Variants in MTA3 observed in about 807,000 individuals in gnomAD.
The protein encoded by MTA3 is metastasis-associated protein MTA3.
In MTA3, 34 loss-of-function variants were observed where a neutral mutation model predicts 83.5. The observed-to-expected ratio is 0.41, with a 90% CI of 0.31 to 0.54. The LOEUF is 0.54. MTA3 is among the 20% of genes least tolerant of loss of function. The pLI is 0.33. For missense variants in MTA3, 761 were observed against 726.4 expected, an observed-to-expected ratio of 1.05 and a Z score of -0.55; for synonymous variants, 303 against 252.7, an observed-to-expected ratio of 1.20 and a Z score of -1.89.
At chr2:42,716,309 T>C (rs1667025572) in intron 14 of MTA3, among the ~76,000 whole-genome samples, 1 of 152,226 alleles carries the variant, frequency 6.6e-6, no homozygotes, top group Admixed American at 6.5e-5. Flanking sequence ...GCTTTGTCTA[T>C]TTTAATGTTT....
intron 2 of MTA3, among the ~76,000 whole-genome samples, chr2:42,511,319 TTCTGGTGTGTGTGATCTC>T (rs1674885812): frequency 6.6e-6 from 1 of 151,970 alleles, no homozygotes; most frequent in Non-Finnish European, 1.5e-5. Context: ...AATGATTCAA[TTCTGGTGTGTGTGATCTC>T]ATTACCTTTC....
At chr2:42,532,409 C>G (rs1014035015) in intron 2 of MTA3, among the ~76,000 whole-genome samples, 7 of 152,132 alleles carry the variant, frequency 4.6e-5, no homozygotes, top group Non-Finnish European at 5.9e-5. Flanking sequence ...ACCTGGGAGG[C>G]TGAGGCAGGA....
chr2:42,562,758 C>T (rs535764754), intron 2 of MTA3, among the ~76,000 whole-genome samples: 77 of 152,166 alleles, frequency 5.1e-4, no homozygotes, highest in Non-Finnish European at 9.4e-4. Context: ...GTGATGGTAA[C>T]ACCAGAAGTG....
intron 2 of MTA3, among the ~76,000 whole-genome samples, chr2:42,555,493 G>C (rs188015471): frequency 6.7e-6 from 1 of 149,266 alleles, no homozygotes; most frequent in Non-Finnish European, 1.5e-5. Flanking sequence ...GGGCGCAGTG[G>C]CTCACACCTG....
chr2:42,512,768 A>C (rs1188027061), intron 2 of MTA3, among the ~76,000 whole-genome samples: 1 of 152,234 alleles, frequency 6.6e-6, no homozygotes, highest in Non-Finnish European at 1.5e-5. Context: ...GGTCTACCTC[A>C]GTAACAACAG....
rs1558533487 is a variant in MTA3 at position 42,641,263 on chromosome 2, A to G, written c.381+1027A>G. On this transcript the variant is annotated intron_variant, in intron 5 of 16. Transcript: ENST00000405094. ...ACTCAAGTGTTGCCCATTTATCTCA[A>G]ATGAAGAAAATATAACAGAAAAAGT... 4.6e-5 allele frequency among the ~76,000 whole-genome samples: 7 copies of G among 151,042 alleles called. No homozygotes were observed. The South Asian group carries it at 1.5e-3, about 32-fold the overall frequency.
At chr2:42,729,303 G>A (rs183673741) in intron 16 of MTA3, among the ~76,000 whole-genome samples, 48 of 151,668 alleles carry the variant, frequency 3.2e-4, no homozygotes, top group Admixed American at 1.7e-3. Context: ...GGGTTTCACC[G>A]TGTTAGCCAG....
upstream of MTA3, among the ~76,000 whole-genome samples, chr2:42,564,386 CAGG>C (rs1258770373): frequency 2.0e-5 from 3 of 152,128 alleles, no homozygotes; most frequent in African/African-American, 7.2e-5. Context: ...GTTTTTTGCA[CAGG>C]AGATCTATGG....
chr2:42,610,515 A>G (rs1358007450), intron 4 of MTA3, among the ~76,000 whole-genome samples: 1 of 152,194 alleles, frequency 6.6e-6, no homozygotes, highest in Non-Finnish European at 1.5e-5. Context: ...AGAAAAAACA[A>G]AAAGTGAAAA....
rs1211133796 is a variant in MTA3, at chr2:42,594,728, A to AT, written c.191-14714dup. ...TACATATATATATATATATATATAT[A>AT]TTTTTTTTTTTTTTTTGAGACAGAG... On this transcript the variant is annotated intron_variant, in intron 3 of 16. Coordinates refer to ENST00000405094, the MANE Select transcript of MTA3 (RefSeq NM_001330442.2). Among the ~76,000 whole-genome samples, 42 of 24,046 alleles carry AT rather than the reference A, an allele frequency of 1.7e-3. 4 individuals are homozygous for AT. Among genetic ancestry groups the AT allele is most frequent in the African/African-American group, 3.1e-3 (14 of 4,472 alleles). 15.8% of individuals were successfully genotyped at this position (24,046 alleles called of 152,430 possible).
At chr2:42,637,302 T>A (rs1449414965) in intron 4 of MTA3, among the ~76,000 whole-genome samples, 1 of 152,228 alleles carries the variant, frequency 6.6e-6, no homozygotes, top group Admixed American at 6.5e-5. Context: ...TTTGATACAC[T>A]TCATATCATG....
chr2:42,514,979 C>G (rs960104302), intron 2 of MTA3, among the ~76,000 whole-genome samples: 1 of 151,878 alleles, frequency 6.6e-6, no homozygotes, highest in African/African-American at 2.4e-5. Flanking sequence ...GCGTGACCCA[C>G]TATGACCGGC....
intron 4 of MTA3, among the ~76,000 whole-genome samples, chr2:42,625,967 G>C (rs1686041930): frequency 6.9e-6 from 1 of 145,284 alleles, no homozygotes; most frequent in Non-Finnish European, 1.5e-5. Flanking sequence ...TTTTGAGTCG[G>C]AGTCCTGCTT....
rs769095982 is a variant in MTA3 at position 42,755,873 on chromosome 2, C to G, written c.*2474C>G. The G allele has an allele frequency of 1.6e-5, 16 of 985,436 alleles. No homozygotes were observed. The highest frequency in any genetic ancestry group is 1.9e-5 in the Non-Finnish European group (16 of 830,032). 61.0% of individuals were successfully genotyped at this position (985,436 alleles called of 1,614,324 possible). ...CACAGGCTCTGCAGGCTATCTCCCC[C>G]TCTGGCTCAGTCATCGCCTGCCCAC... is the stretch of plus-strand genomic sequence containing the variant. On this transcript the variant is annotated 3_prime_UTR_variant, in exon 17 of 17. Transcript: ENST00000405094.
chr2:42,637,356 C>T (rs1687299020), intron 4 of MTA3, among the ~76,000 whole-genome samples: 1 of 152,184 alleles, frequency 6.6e-6, no homozygotes, highest in African/African-American at 2.4e-5. Flanking sequence ...TCGTACATGA[C>T]ACATGATTAG....
intron 8 of MTA3, among the ~76,000 whole-genome samples, chr2:42,669,709 T>C (rs540138484): frequency 6.6e-6 from 1 of 152,242 alleles, no homozygotes; most frequent in Non-Finnish European, 1.5e-5. Flanking sequence ...CCTAGGAGAA[T>C]TGTTTGTGTG....
intron 2 of MTA3, among the ~76,000 whole-genome samples, chr2:42,549,282 AAT>A (rs1315698817): frequency 1.7e-5 from 2 of 116,104 alleles, no homozygotes; most frequent in African/African-American, 6.6e-5. Context: ...GTATATATGT[AAT>A]ATATAATGTA....
upstream of MTA3, among the ~76,000 whole-genome samples, chr2:42,564,350 G>T (rs903846240): frequency 6.6e-6 from 1 of 152,174 alleles, no homozygotes; most frequent in African/African-American, 2.4e-5. Context: ...CATACTGCCC[G>T]AAACCAAGAC....
chr2:42,535,147 G>A (rs1041338403), intron 2 of MTA3, among the ~76,000 whole-genome samples: 8 of 152,044 alleles, frequency 5.3e-5, no homozygotes, highest in Non-Finnish European at 1.2e-4. Flanking sequence ...AGCACTTTGG[G>A]AGGCAGAGGC....
Sources: gnomAD v4.1 joint callset for allele counts (sites outside exome capture counted in the v4.1 genomes callset) on GRCh38, gnomAD v4.1.1 for gene constraint, MANE v1.5 for transcripts, NCBI Gene and HGNC (gene_info 2026-07-23, HGNC 2026-07-21) for gene names.